JAZF1: variants seen among roughly 807,000 people sequenced by gnomAD.
JAZF1 encodes JAZF zinc finger 1.
Under a neutral mutation model 26.4 loss-of-function variants are expected in JAZF1, and 8 were observed. That is an observed-to-expected ratio of 0.30 (90% CI 0.18 to 0.55). The LOEUF (loss-of-function observed/expected upper bound fraction) is 0.55, where lower values mean the gene tolerates loss of function less well. JAZF1 is among the 20% of genes least tolerant of loss of function. The pLI is 0.94. For synonymous variants in JAZF1, 126 were observed against 122.3 expected (o/e 1.03, Z -0.20); for missense variants, 199 against 322.0 (o/e 0.62, Z 2.92).
intron 1 of JAZF1, among the ~76,000 whole-genome samples, chr7:28,097,706 T>C (rs1431724387): frequency 6.6e-6 from 1 of 152,098 alleles, no homozygotes; most frequent in Non-Finnish European, 1.5e-5. Context: ...GGATTTCAGG[T>C]AGCTGAATGA....
intron 1 of JAZF1, among the ~76,000 whole-genome samples, chr7:28,107,176 C>G (rs1784566095): frequency 5.3e-5 from 8 of 152,214 alleles, no homozygotes; most frequent in Admixed American, 5.2e-4. Context: ...ACCAACCAAT[C>G]CACAAACATC....
chr7:27,860,872 G>C (rs544775226), intron 3 of JAZF1, among the ~76,000 whole-genome samples: 10 of 141,458 alleles, frequency 7.1e-5, no homozygotes, highest in Admixed American at 1.5e-4. Flanking sequence ...GCCTCCCCTC[G>C]TCCCTCCTTT....
intron 2 of JAZF1, among the ~76,000 whole-genome samples, chr7:27,963,459 G>T (rs193179463): frequency 6.6e-6 from 1 of 152,092 alleles, no homozygotes; most frequent in African/African-American, 2.4e-5. Flanking sequence ...TGGTAAATTG[G>T]GGGTAGCTGT....
chr7:28,109,902 A>C (rs1784614754), intron 1 of JAZF1, among the ~76,000 whole-genome samples: 2 of 152,226 alleles, frequency 1.3e-5, no homozygotes, highest in Admixed American at 1.3e-4. Flanking sequence ...AATCCTAAAC[A>C]GCCTAAGTGA....
intron 4 of JAZF1, among the ~76,000 whole-genome samples, chr7:27,839,640 G>A (rs1782883959): frequency 6.6e-6 from 1 of 152,188 alleles, no homozygotes; most frequent in African/African-American, 2.4e-5. Flanking sequence ...TTTAAACAAT[G>A]AGCATCTGGA....
intron 1 of JAZF1, among the ~76,000 whole-genome samples, chr7:28,073,479 C>T (rs573560724): frequency 1.3e-5 from 2 of 152,296 alleles, no homozygotes; most frequent in South Asian, 4.1e-4. Context: ...GGACCCGAAT[C>T]TTTGCATTTT....
chr7:27,932,017 C>A (rs1784695191), intron 2 of JAZF1, among the ~76,000 whole-genome samples: 1 of 152,166 alleles, frequency 6.6e-6, no homozygotes, highest in South Asian at 2.1e-4. Context: ...TGGGCTCAGT[C>A]CTGAGCAGGA....
intron 1 of JAZF1, among the ~76,000 whole-genome samples, chr7:27,998,385 T>C (rs1786065770): frequency 6.6e-6 from 1 of 152,172 alleles, no homozygotes; most frequent in African/African-American, 2.4e-5. Flanking sequence ...ATTTGTTGCA[T>C]CAACAATTTA....
chr7:27,888,469 G>C (rs891120482), intron 3 of JAZF1, among the ~76,000 whole-genome samples: 3 of 152,080 alleles, frequency 2.0e-5, no homozygotes, highest in African/African-American at 4.8e-5. Context: ...TAACAATAAA[G>C]GCATGAGGGA....
chr7:27,849,762 C>G (rs1428222218), intron 3 of JAZF1, among the ~76,000 whole-genome samples: 2 of 146,934 alleles, frequency 1.4e-5, no homozygotes, highest in Non-Finnish European at 2.9e-5. Flanking sequence ...GACACACACA[C>G]ACACACACAC....
At chr7:27,947,234 T>C (rs967976499) in intron 2 of JAZF1, among the ~76,000 whole-genome samples, 4 of 152,240 alleles carry the variant, frequency 2.6e-5, no homozygotes, top group Non-Finnish European at 4.4e-5. Flanking sequence ...TTCTAGCAGA[T>C]TATTTAATTA....
rs576068803 is a variant in JAZF1, at chr7:28,085,570, C to T, written c.116-93589G>A. Among the ~76,000 whole-genome samples, 26 of 152,240 alleles carry T rather than the reference C, an allele frequency of 1.7e-4. No homozygotes were observed. The East Asian group carries it at 3.7e-3, about 21-fold the overall frequency. ...CCTCATATTCAAAGTGTCATCCCCCCGTGATTTTTTATGACCACGTTATAA... is the reference window on the plus strand; with the variant it reads ...CCTCATATTCAAAGTGTCATCCCCCTGTGATTTTTTATGACCACGTTATAA... On this transcript the variant is annotated intron_variant, in intron 1 of 4. Transcript: ENST00000283928.
chr7:28,078,572 C>G (rs1420029900), intron 1 of JAZF1, among the ~76,000 whole-genome samples: 4 of 152,198 alleles, frequency 2.6e-5, no homozygotes, highest in Non-Finnish European at 5.9e-5. Context: ...GTAACCAACT[C>G]TTAATTGCCA....
chr7:28,003,211 T>C (rs1782634146), intron 1 of JAZF1, among the ~76,000 whole-genome samples: 1 of 151,780 alleles, frequency 6.6e-6, no homozygotes, highest in African/African-American at 2.4e-5. Flanking sequence ...TTCATTTTAT[T>C]TTCTTGGATT....
chr7:28,143,069 G>C (rs560026000), intron 1 of JAZF1, among the ~76,000 whole-genome samples: 2 of 152,326 alleles, frequency 1.3e-5, no homozygotes, highest in African/African-American at 4.8e-5. Context: ...CTCTGAGAGA[G>C]AGAATGAAGA....
intron 1 of JAZF1, among the ~76,000 whole-genome samples, chr7:28,059,581 T>C (rs989913994): frequency 6.6e-6 from 1 of 152,180 alleles, no homozygotes; most frequent in Non-Finnish European, 1.5e-5. Flanking sequence ...ACTTTATTTT[T>C]TGTCCCTTCT....
At chr7:27,853,647 A>G (rs1303829745) in intron 3 of JAZF1, among the ~76,000 whole-genome samples, 2 of 152,336 alleles carry the variant, frequency 1.3e-5, no homozygotes, top group African/African-American at 4.8e-5. Flanking sequence ...GTAGTCATTC[A>G]GGAGCAGGTT....
intron 1 of JAZF1, among the ~76,000 whole-genome samples, chr7:28,084,563 T>A (rs1784184837): frequency 6.6e-6 from 1 of 152,180 alleles, no homozygotes; most frequent in Non-Finnish European, 1.5e-5. Flanking sequence ...TACTGGCTAT[T>A]AAAAAGTGTA....
intron 2 of JAZF1, among the ~76,000 whole-genome samples, chr7:27,934,875 C>T (rs1784743203): frequency 1.3e-5 from 2 of 152,122 alleles, no homozygotes; most frequent in African/African-American, 4.8e-5. Flanking sequence ...AAAACTAAAA[C>T]TTTAGTGTTG....
Sources: allele counts gnomAD v4.1 joint callset (sites outside exome capture counted in the v4.1 genomes callset), GRCh38; gene constraint gnomAD v4.1.1; transcripts MANE v1.5; gene names NCBI Gene and HGNC (gene_info 2026-07-23, HGNC 2026-07-21).